Variants in ETV1 observed in about 807,000 individuals in gnomAD.
ETV1 encodes the protein ETS variant transcription factor 1.
Under a neutral mutation model 62.3 loss-of-function variants are expected in ETV1, and 27 were observed. The ratio of observed to expected loss-of-function variants is 0.43; its 90% CI spans 0.32 to 0.60. The LOEUF (loss-of-function observed/expected upper bound fraction) is 0.60, where lower values mean the gene tolerates loss of function less well. ETV1 is among the 20% of genes least tolerant of loss of function. The probability of loss-of-function intolerance (pLI) is 0.06; values close to 1 mark genes in which losing one functional copy is unlikely to be tolerated. For synonymous variants in ETV1, 222 were observed against 199.6 expected (o/e 1.11, Z -0.94); for missense variants, 605 against 605.8 (o/e 1.00, Z 0.01).
At chr7:13,903,015 A>C (rs1782591684) in intron 12 of ETV1, among the ~76,000 whole-genome samples, 1 of 152,204 alleles carries the variant, frequency 6.6e-6, no homozygotes, top group Non-Finnish European at 1.5e-5. Context: ...GTTATAAATT[A>C]ACAGCGTAAA....
rs1783003588 is a variant in ETV1 at position 13,906,705 on chromosome 7, T to G, written c.941-106A>C. 1.3e-5 allele frequency: 9 copies of G among 681,924 alleles called. No individual in the cohort carries two copies. In the Admixed American group the frequency reaches 3.2e-4, roughly 24 times the overall value. 42.2% of individuals were successfully genotyped at this position (681,924 alleles called of 1,614,324 possible). A position where few individuals can be genotyped will look rare whatever the true frequency, so the allele number is the denominator to read the frequency against. ...ATATGGTTAAACCACAATCAACCAC[T>G]TTATGGGCATTTATGAAATATATTA... is the stretch of plus-strand genomic sequence containing the variant. On this transcript the variant is annotated intron_variant, in intron 11 of 13. Coordinates refer to ENST00000430479, the MANE Select transcript of ETV1 (RefSeq NM_004956.5).
At chr7:13,927,250 A>G (rs928579085) in intron 9 of ETV1, among the ~76,000 whole-genome samples, 2 of 151,990 alleles carry the variant, frequency 1.3e-5, no homozygotes, top group African/African-American at 2.4e-5. Context: ...GGCGTTTGAG[A>G]CCAGCCTAGC....
intron 3 of ETV1, chr7:13,988,651 A>C (rs781466513): frequency 1.5e-5 from 24 of 1,582,434 alleles, no homozygotes; most frequent in Non-Finnish European, 2.0e-5. Flanking sequence ...CACCCCATAT[A>C]AACAAAAAGT....
At chr7:13,958,904 C>G (rs1789816802) in intron 6 of ETV1, 1 of 152,134 alleles carries the variant, frequency 6.6e-6, no homozygotes, top group African/African-American at 2.4e-5. Flanking sequence ...CCAACAAACA[C>G]AGAGATATTG....
At chr7:13,901,963 A>G (rs1782481517) in intron 12 of ETV1, among the ~76,000 whole-genome samples, 1 of 152,124 alleles carries the variant, frequency 6.6e-6, no homozygotes. Context: ...TCCTCAATGT[A>G]TATATATCCC....
chr7:13,974,899 C>CTT (rs913446854), intron 6 of ETV1: 185 of 152,392 alleles, frequency 1.2e-3, no homozygotes, highest in African/African-American at 4.4e-3. Flanking sequence ...CAGCCAAGGG[C>CTT]TAAGGGAGCA....
At chr7:13,918,471 G>C (rs377240940) in intron 9 of ETV1, among the ~76,000 whole-genome samples, 1 of 151,908 alleles carries the variant, frequency 6.6e-6, no homozygotes, top group East Asian at 1.9e-4. Flanking sequence ...CAAAGACTTG[G>C]AACCAACCCA....
chr7:13,988,744 C>T lies in ETV1; in HGVS notation c.45+264G>A, dbSNP rs750532420. The T allele has an allele frequency of 1.9e-6, 3 of 1,612,336 alleles. No individual in the cohort carries two copies. In the Admixed American group the frequency reaches 5.0e-5, roughly 27 times the overall value. The stretch of plus-strand genomic sequence containing the variant: ...CTTTGAGTGCAGCAGCTGCTGCTGC[C>T]CTCCATCTCCTCTTCCACTCATGTT... On this transcript the variant is annotated intron_variant, in intron 3 of 13. Transcript: ENST00000430479.
chr7:13,982,711 G>A (rs577327736), intron 5 of ETV1, among the ~76,000 whole-genome samples: 87 of 152,036 alleles, frequency 5.7e-4, no homozygotes, highest in African/African-American at 2.0e-3. Flanking sequence ...CTAAATTCAT[G>A]TTTTATGTAA....
intron 6 of ETV1, among the ~76,000 whole-genome samples, chr7:13,948,356 T>C (rs77707718): frequency 0.05 from 7,609 of 152,268 alleles, 511 homozygotes; most frequent in African/African-American, 0.16. Context: ...ACAATTACCC[T>C]GGGAAGAGAA....
At chr7:13,974,303 T>C (rs1781189323) in intron 6 of ETV1, among the ~76,000 whole-genome samples, 1 of 152,140 alleles carries the variant, frequency 6.6e-6, no homozygotes, top group Non-Finnish European at 1.5e-5. Context: ...ACTGAAAAAT[T>C]AGAAGGGCTA....
At chr7:13,949,942 C>T (rs1562666479) in intron 6 of ETV1, among the ~76,000 whole-genome samples, 1 of 151,974 alleles carries the variant, frequency 6.6e-6, no homozygotes, top group Non-Finnish European at 1.5e-5. Context: ...ACAAAAATGC[C>T]ACCAAGTTTT....
intron 6 of ETV1, among the ~76,000 whole-genome samples, chr7:13,947,261 T>C (rs1289093097): frequency 6.6e-6 from 1 of 152,054 alleles, no homozygotes; most frequent in Non-Finnish European, 1.5e-5. Context: ...ATTTTTACAG[T>C]GAAGATGATG....
intron 6 of ETV1, among the ~76,000 whole-genome samples, chr7:13,939,682 T>C (rs981415552): frequency 6.6e-6 from 1 of 152,194 alleles, no homozygotes; most frequent in Non-Finnish European, 1.5e-5. Flanking sequence ...GCATCAATAA[T>C]AATAGTTTAA....
At chr7:13,912,929 T>C (rs989182994) in intron 9 of ETV1, among the ~76,000 whole-genome samples, 4 of 152,208 alleles carry the variant, frequency 2.6e-5, no homozygotes, top group Non-Finnish European at 5.9e-5. Flanking sequence ...ATGACTAACA[T>C]GGTTAATTAG....
chr7:13,986,433 T>C, intron 5 of ETV1: 2 of 1,490,160 alleles, frequency 1.3e-6, no homozygotes, highest in Non-Finnish European at 1.8e-6. Flanking sequence ...CAATTTCTCC[T>C]GGTAATTTGT....
upstream of ETV1, among the ~76,000 whole-genome samples, chr7:13,990,194 C>T (rs1369100654): frequency 6.6e-6 from 1 of 152,146 alleles, no homozygotes; most frequent in Non-Finnish European, 1.5e-5. Context: ...TTTATTTTCC[C>T]GTTTTTCAAA....
intron 6 of ETV1, among the ~76,000 whole-genome samples, chr7:13,976,548 C>T (rs57636218): frequency 0.16 from 24,696 of 152,092 alleles, 2,297 homozygotes; most frequent in Middle Eastern, 0.29. Flanking sequence ...ATGCAGGTAT[C>T]TGTATTAGAA....
At chr7:13,927,181 G>C (rs1785522959) in intron 9 of ETV1, among the ~76,000 whole-genome samples, 1 of 152,186 alleles carries the variant, frequency 6.6e-6, no homozygotes, top group Non-Finnish European at 1.5e-5. Context: ...GGGTGCAGTG[G>C]CTCATGCCTG....
Sources: allele counts gnomAD v4.1 joint callset (sites outside exome capture counted in the v4.1 genomes callset), GRCh38; gene constraint gnomAD v4.1.1; transcripts MANE v1.5; gene names NCBI Gene and HGNC (gene_info 2026-07-23, HGNC 2026-07-21).